The following STX8 variants were observed in gnomAD, a reference collection of about 807,000 sequenced individuals.
STX8 encodes syntaxin 8, also known as syntaxin-8.
STX8 carries 23 observed loss-of-function variants against 37.5 expected under a neutral mutation model. That is an observed-to-expected ratio of 0.61 (90% CI 0.44 to 0.87). The LOEUF (loss-of-function observed/expected upper bound fraction) is 0.87. STX8 is among the 40% of genes least tolerant of loss of function. The pLI is 0.00. For missense variants in STX8, 313 were observed against 284.7 expected, an observed-to-expected ratio of 1.10 and a Z score of -0.71; for synonymous variants, 115 against 99.1, an observed-to-expected ratio of 1.16 and a Z score of -0.95.
At chr17:9,524,811 CTG>C (rs1905498302) in intron 4 of STX8, among the ~76,000 whole-genome samples, 1 of 122,616 alleles carries the variant, frequency 8.2e-6, no homozygotes, top group Non-Finnish European at 1.7e-5. Context: ...GGGTCTCACT[CTG>C]TTTTTTTTTT....
chr17:9,382,584 A>G (rs1911861182), intron 6 of STX8, among the ~76,000 whole-genome samples: 1 of 152,188 alleles, frequency 6.6e-6, no homozygotes, highest in South Asian at 2.1e-4. Context: ...CTCCCCCAGC[A>G]AGATTTTTAA....
intron 1 of STX8, among the ~76,000 whole-genome samples, chr17:9,571,554 G>C (rs1907690542): frequency 1.4e-5 from 2 of 143,586 alleles, no homozygotes; most frequent in African/African-American, 2.6e-5. Flanking sequence ...TGCCGAGATT[G>C]TGCCATCGCA....
intron 6 of STX8, among the ~76,000 whole-genome samples, chr17:9,379,951 G>C (rs1911736274): frequency 6.7e-6 from 1 of 149,190 alleles, no homozygotes; most frequent in Non-Finnish European, 1.5e-5. Context: ...TTGGGCGACA[G>C]AGAGAGACTC....
chr17:9,441,825 A>G lies in STX8; in HGVS notation c.541+50004T>C, dbSNP rs945136219. Among the ~76,000 whole-genome samples the G allele has an allele frequency of 4.5e-4, 68 of 151,570 alleles. 1 individual carries two copies. The highest frequency in any genetic ancestry group is 1.5e-3 in the African/African-American group (61 of 41,344). ...CAAGTAGCTGGGACTACAGGCGCCC[A>G]CCACCACGCCCGGCTAATTTTTTGT... On this transcript the variant is annotated intron_variant, in intron 6 of 7. Transcript: ENST00000306357.
At chr17:9,322,498 T>C (rs1909608037) in intron 7 of STX8, among the ~76,000 whole-genome samples, 1 of 152,148 alleles carries the variant, frequency 6.6e-6, no homozygotes, top group Admixed American at 6.5e-5. Flanking sequence ...CGCTGAGCAC[T>C]TCCACAGCCC....
At chr17:9,351,154 A>C (rs1910693379) in intron 7 of STX8, among the ~76,000 whole-genome samples, 2 of 151,336 alleles carry the variant, frequency 1.3e-5, no homozygotes, top group Admixed American at 1.3e-4. Context: ...ATAATGTCAT[A>C]ATAATGTAGT....
chr17:9,384,376 C>T (rs914094434), intron 6 of STX8, among the ~76,000 whole-genome samples: 3 of 152,158 alleles, frequency 2.0e-5, no homozygotes, highest in Admixed American at 1.3e-4. Context: ...CGGTGGCTCA[C>T]GCCTGTAATC....
At chr17:9,423,525 C>CAGTAGAG (rs1713905765) in intron 6 of STX8, among the ~76,000 whole-genome samples, 1 of 152,142 alleles carries the variant, frequency 6.6e-6, no homozygotes, top group African/African-American at 2.4e-5. Context: ...GGCGTTTCAC[C>CAGTAGAG]ATGTTGTTAA....
chr17:9,285,071 C>T (rs1050145784), intron 7 of STX8, among the ~76,000 whole-genome samples: 4 of 152,028 alleles, frequency 2.6e-5, no homozygotes, highest in South Asian at 2.1e-4. Flanking sequence ...TCAGCGGTTC[C>T]GGGAGAGGGC....
At chr17:9,409,255 C>A (rs997984037) in intron 6 of STX8, among the ~76,000 whole-genome samples, 4 of 152,150 alleles carry the variant, frequency 2.6e-5, no homozygotes, top group Non-Finnish European at 5.9e-5. Flanking sequence ...CCCCGTGGTG[C>A]CTGCAGGCGT....
chr17:9,420,444 CCT>C (rs1913382731), intron 6 of STX8, among the ~76,000 whole-genome samples: 1 of 152,082 alleles, frequency 6.6e-6, no homozygotes, highest in Admixed American at 6.5e-5. Flanking sequence ...CTAAATGTCC[CCT>C]CTCCTTCTCC....
chr17:9,404,790 C>G (rs527390256), intron 6 of STX8, among the ~76,000 whole-genome samples: 1 of 152,330 alleles, frequency 6.6e-6, no homozygotes, highest in South Asian at 2.1e-4. Context: ...ACCCTTCTGC[C>G]AGATCGTTTA....
At chr17:9,497,163 AG>A (rs1904438132) in intron 5 of STX8, among the ~76,000 whole-genome samples, 1 of 152,182 alleles carries the variant, frequency 6.6e-6, no homozygotes, top group South Asian at 2.1e-4. Flanking sequence ...ACTGCATAGA[AG>A]AAAAAGGAAG....
At chr17:9,487,828 G>A (rs1379626099) in intron 6 of STX8, among the ~76,000 whole-genome samples, 1 of 152,176 alleles carries the variant, frequency 6.6e-6, no homozygotes, top group Non-Finnish European at 1.5e-5. Context: ...CCACGTGGAT[G>A]CGCTTCTGTG....
intron 6 of STX8, among the ~76,000 whole-genome samples, chr17:9,480,204 G>A (rs1906266263): frequency 6.6e-6 from 1 of 152,272 alleles, no homozygotes; most frequent in Non-Finnish European, 1.5e-5. Flanking sequence ...GGAAGGAGCC[G>A]TGACAACAGA....
rs1446114178 is a variant in STX8, at chr17:9,442,873, A to G, written c.541+48956T>C. Among the ~76,000 whole-genome samples the G allele has an allele frequency of 2.0e-5, 3 of 152,190 alleles. No homozygotes were observed. The East Asian group carries it at 5.8e-4, about 29-fold the overall frequency. ...AGCCAGACTCCTAAGAACGTGTGAGATATCCTCTTGGGACTCATTAAAACA... is the reference window on the plus strand; with the variant it reads ...AGCCAGACTCCTAAGAACGTGTGAGGTATCCTCTTGGGACTCATTAAAACA... On this transcript the variant is annotated intron_variant, in intron 6 of 7. Coordinates refer to ENST00000306357, the MANE Select transcript of STX8 (RefSeq NM_004853.3).
At chr17:9,385,970 C>A (rs573902470) in intron 6 of STX8, among the ~76,000 whole-genome samples, 1 of 152,264 alleles carries the variant, frequency 6.6e-6, no homozygotes, top group South Asian at 2.1e-4. Flanking sequence ...GACGGGGTTT[C>A]ACCATGTTGG....
chr17:9,255,147 A>G (rs1906740338), intron 7 of STX8, among the ~76,000 whole-genome samples: 1 of 152,144 alleles, frequency 6.6e-6, no homozygotes, highest in Admixed American at 6.5e-5. Context: ...AGTGGTGGCT[A>G]AGCTGCTAAT....
intron 2 of STX8, among the ~76,000 whole-genome samples, chr17:9,563,393 A>C (rs1907329491): frequency 6.6e-6 from 1 of 152,080 alleles, no homozygotes; most frequent in Non-Finnish European, 1.5e-5. Context: ...CATGTTGGCC[A>C]GGCTTGTCCC....
Sources: gnomAD v4.1 joint callset for allele counts (sites outside exome capture counted in the v4.1 genomes callset) on GRCh38, gnomAD v4.1.1 for gene constraint, MANE v1.5 for transcripts, NCBI Gene and HGNC (gene_info 2026-07-23, HGNC 2026-07-21) for gene names.